DEAF1: variants seen among roughly 807,000 people sequenced by gnomAD.
The protein encoded by DEAF1 is deformed epidermal autoregulatory factor 1 homolog.
In DEAF1, 53 loss-of-function variants were observed where a neutral mutation model predicts 58.9. The observed-to-expected ratio is 0.90, with a 90% CI of 0.72 to 1.13. The LOEUF is 1.13. DEAF1 is among the 50% of genes most tolerant of loss of function. The probability of loss-of-function intolerance (pLI) is 0.00; values close to 1 mark genes in which losing one functional copy is unlikely to be tolerated. For synonymous variants in DEAF1, 385 were observed against 340.4 expected, an observed-to-expected ratio of 1.13 and a Z score of -1.44; for missense variants, 685 against 791.4, an observed-to-expected ratio of 0.87 and a Z score of 1.61.
At chr11:647,235 C>T (rs947666524) in intron 11 of DEAF1, among the ~76,000 whole-genome samples, 1 of 152,084 alleles carries the variant, frequency 6.6e-6, no homozygotes, top group Non-Finnish European at 1.5e-5. Flanking sequence ...GCAGGCAGAT[C>T]ATGAGGTCAG....
chr11:674,385 T>C (rs1406568864), intron 10 of DEAF1, 151 bp downstream of exon 10: 4 of 1,106,562 alleles, frequency 3.6e-6, no homozygotes, highest in African/African-American at 1.6e-5. Flanking sequence ...AAAAGCTTCA[T>C]TTGTAAATGA....
chr11:653,427 A>G (rs10902185), intron 11 of DEAF1, among the ~76,000 whole-genome samples: 160 of 105,186 alleles, frequency 1.5e-3, no homozygotes, highest in Non-Finnish European at 2.5e-3. Context: ...AACTGTGGAC[A>G]GTCTCTCTCG....
intron 11 of DEAF1, among the ~76,000 whole-genome samples, chr11:645,830 TCAGA>T (rs569113256): frequency 4.2e-4 from 64 of 152,294 alleles, no homozygotes; most frequent in Middle Eastern, 6.8e-3. Flanking sequence ...GACGGCCTCG[TCAGA>T]CAGAGGCAGC....
Position 686,868 on chromosome 11 carries a change from C to G in DEAF1, c.794G>C (p.Cys265Ser), listed in dbSNP as rs1407051916. ...GGTCACGGACGATACCTGGATGAGGCACTGCAAGGGTCGGCCCGCGTAGCG... is the reference window on the plus strand; with the variant it reads ...GGTCACGGACGATACCTGGATGAGGGACTGCAAGGGTCGGCCCGCGTAGCG... ...SIRYAGRPLQ[C>S]LIQDGILNPH... Residue 265 changes from cysteine to serine, a missense_variant, in exon 5 of 12, where the codon TGC becomes TCC. Coordinates refer to ENST00000382409, the MANE Select transcript of DEAF1 (RefSeq NM_021008.4). The G allele has an allele frequency of 1.9e-6, 3 of 1,614,194 alleles. No individual in the cohort carries two copies. The highest frequency in any genetic ancestry group is 2.5e-6 in the Non-Finnish European group (3 of 1,180,032).
intron 10 of DEAF1, among the ~76,000 whole-genome samples, chr11:663,269 G>A (rs1037513506): frequency 2.0e-5 from 3 of 152,198 alleles, no homozygotes; most frequent in Admixed American, 6.5e-5. Context: ...TAATAACGGC[G>A]AAACTCCATC....
intron 10 of DEAF1, among the ~76,000 whole-genome samples, chr11:662,334 C>G (rs1190937602): frequency 1.3e-5 from 2 of 152,230 alleles, no homozygotes; most frequent in Non-Finnish European, 2.9e-5. Flanking sequence ...AATTCCTCTT[C>G]TTGCAGTGTG....
chr11:677,200 G>A (rs6597995), intron 9 of DEAF1, among the ~76,000 whole-genome samples: 60,863 of 150,986 alleles, frequency 0.4, 13,331 homozygotes, highest in East Asian at 0.57. Context: ...TCCTGGCCTC[G>A]GCCTCCTAAA....
chr11:691,566 C>G lies in DEAF1; in HGVS notation c.322G>C (p.Ala108Pro). Residue 108 changes from alanine (A) to proline (P), a missense_variant, in exon 2 of 12, where the codon GCT (alanine) becomes CCT (proline). Ala to Pro is a conservative substitution (Grantham distance 27). Around this residue, in one of 3 missense-constraint regions of DEAF1, gnomAD observed 210 missense variants for 177.3 expected, o/e 1.18. Transcript: ENST00000382409. ...VTTVTVANVGAAADNVFTTSV... is the reference protein window; with the variant it reads ...VTTVTVANVGPAADNVFTTSV... ...GTGGTGAAGACATTGTCTGCAGCAG[C>G]CCCCACGTTGGCCACTGTCACTGTG... The G allele has an allele frequency of 6.2e-7, 1 of 1,613,692 alleles. No individual in the cohort carries two copies. Among genetic ancestry groups the G allele is most frequent in the Admixed American group, 1.7e-5 (1 of 60,010 alleles).
intron 1 of DEAF1, chr11:703,947 T>A: frequency 8.1e-7 from 1 of 1,241,120 alleles, no homozygotes. Flanking sequence ...TAGCTCTGTG[T>A]TTTTTTCCCA....
intron 7 of DEAF1, 87 bp from the exon 8 acceptor site, chr11:679,903 G>A (rs1860269728): frequency 1.3e-6 from 2 of 1,579,274 alleles, no homozygotes; most frequent in Admixed American, 1.7e-5. Context: ...GCCAATCCTT[G>A]TGGGGGCCTG....
intron 10 of DEAF1, among the ~76,000 whole-genome samples, chr11:662,543 C>T (rs557256497): frequency 2.0e-5 from 3 of 152,294 alleles, no homozygotes; most frequent in South Asian, 2.1e-4. Context: ...CCAGCCCAGG[C>T]GCCCCCCAGG....
chr11:676,210 T>C (rs1223928366), intron 9 of DEAF1, among the ~76,000 whole-genome samples: 1 of 10,394 alleles, frequency 9.6e-5, no homozygotes, highest in Non-Finnish European at 1.7e-4. Flanking sequence ...CAGCCTGACA[T>C]CCCCCAGCAC....
chr11:678,649 T>G (rs1344119426), intron 9 of DEAF1, 45 bp downstream of exon 9: 9 of 1,612,906 alleles, frequency 5.6e-6, no homozygotes, highest in Non-Finnish European at 7.6e-6. Context: ...TGGAAGCAAT[T>G]CTGAGGACAA....
At chr11:679,622 C>T (rs545389178) in intron 8 of DEAF1, 66 bp downstream of exon 8, 91 of 1,600,238 alleles carry the variant, frequency 5.7e-5, no homozygotes, top group South Asian at 8.8e-5. Flanking sequence ...AATGTGGCGT[C>T]GGGGATGTGA....
At chr11:700,265 G>C in intron 1 of DEAF1, 1 of 1,590,004 alleles carries the variant, frequency 6.3e-7, no homozygotes, top group Non-Finnish European at 8.6e-7. Context: ...AGTGGCTCAC[G>C]CCTGTAATCC....
chr11:701,686 G>A (rs1421659896), intron 1 of DEAF1, among the ~76,000 whole-genome samples: 2 of 152,128 alleles, frequency 1.3e-5, no homozygotes, highest in South Asian at 2.1e-4. Context: ...TGGGATTACA[G>A]GCGTGAGCCA....
At position 674,788 on chromosome 11, in the gene DEAF1, A is replaced by T. The variant is rs777850157; in HGVS notation, c.1256-5T>A. On this transcript the variant is annotated splice_region_variant and splice_polypyrimidine_tract_variant and intron_variant, in intron 9 of 11. Coordinates refer to ENST00000382409, the MANE Select transcript of DEAF1 (RefSeq NM_021008.4). ...GCGCAGGCAGGGATGTCAACACTAG[A>T]GCATTTGGAAAGCAAAACAAACCAA... 1.2e-6 allele frequency: 2 copies of T among 1,610,332 alleles called. No homozygotes were observed. The highest frequency in any genetic ancestry group is 2.7e-5 in the African/African-American group (2 of 74,920).
intron 11 of DEAF1, among the ~76,000 whole-genome samples, chr11:648,349 C>T (rs1293183487): frequency 1.3e-5 from 2 of 152,092 alleles, no homozygotes; most frequent in Non-Finnish European, 2.9e-5. Flanking sequence ...CGCCCACCAC[C>T]ACGCCAAGCT....
chr11:694,792 G>T lies in DEAF1; in HGVS notation c.256C>A (p.Pro86Thr). The T allele has an allele frequency of 2.2e-6, 3 of 1,374,596 alleles. No individual in the cohort carries two copies. The highest frequency in any genetic ancestry group is 2.8e-6 in the Non-Finnish European group (3 of 1,066,532). The allele number at this position is 1,374,596 out of a possible 1,614,324, so 85.1% of individuals were successfully genotyped here. ...MDMGAEALPG[P>T]DEAAAAAAFA... ...GCTGCGGCAGCGGCGGCCTCGTCGG[G>T]GCCGGGCAGGGCCTCGGCGCCCATG... The change falls in exon 1 of 12, where the codon CCC becomes ACC. Residue 86 changes from proline (P) to threonine (T), a missense_variant. Transcript: ENST00000382409.
Sources: allele counts gnomAD v4.1 joint callset (sites outside exome capture counted in the v4.1 genomes callset), GRCh38; gene constraint gnomAD v4.1.1; regional missense constraint gnomAD v4.1.1; transcripts MANE v1.5; gene names NCBI Gene and HGNC (gene_info 2026-07-23, HGNC 2026-07-21).